PRKAG2: variants seen among roughly 807,000 people sequenced by gnomAD.
PRKAG2 encodes protein kinase AMP-activated non-catalytic subunit gamma 2.
Under a neutral mutation model 69.6 loss-of-function variants are expected in PRKAG2, and 26 were observed. That is an observed-to-expected ratio of 0.37 (90% CI 0.27 to 0.52). The LOEUF is 0.52. Among genes scored for constraint, PRKAG2 ranks in the 20% least tolerant of loss-of-function variants. PRKAG2 has a pLI of 0.90. For synonymous variants in PRKAG2, 293 were observed against 285.0 expected (o/e 1.03, Z -0.28); for missense variants, 557 against 740.0 (o/e 0.75, Z 2.87).
chr7:151,629,941 G>A (rs1364371246), intron 5 of PRKAG2, among the ~76,000 whole-genome samples: 1 of 152,052 alleles, frequency 6.6e-6, no homozygotes, highest in Non-Finnish European at 1.5e-5. Context: ...CAATTTTCCT[G>A]TATTTTGGAT....
chr7:151,713,486 C>T (rs989190560), intron 3 of PRKAG2, among the ~76,000 whole-genome samples: 6 of 152,022 alleles, frequency 3.9e-5, no homozygotes, highest in Admixed American at 2.6e-4. Flanking sequence ...AATTTAAACA[C>T]ATATGTAAAA....
At position 151,777,243 on chromosome 7, in the gene PRKAG2, C is replaced by G. The variant is rs1439596117; in HGVS notation, c.466+3909G>C. ...CACCCCATGTGGACACCAGCAGAGT[C>G]ATCCCCAGGCCTGTGCCTGCGTTCC... On this transcript the variant is annotated intron_variant, in intron 3 of 15. Coordinates refer to ENST00000287878, the MANE Select transcript of PRKAG2 (RefSeq NM_016203.4). This position sits in a 1 kb window ranked among gnomAD's most constrained non-coding sequence, Gnocchi z 4.3. 2.0e-5 allele frequency among the ~76,000 whole-genome samples: 3 copies of G among 152,248 alleles called. No individual in the cohort carries two copies. The highest frequency in any genetic ancestry group is 4.4e-5 in the Non-Finnish European group (3 of 68,044).
chr7:151,675,300 G>T (rs767015340), intron 4 of PRKAG2, 120 bp downstream of exon 4: 1 of 945,034 alleles, frequency 1.1e-6, no homozygotes, highest in East Asian at 2.6e-5. Flanking sequence ...ATATCCTGAA[G>T]ATGTCGGGAG....
intron 1 of PRKAG2, among the ~76,000 whole-genome samples, chr7:151,867,966 AG>A (rs1228832124): frequency 1.3e-5 from 2 of 152,178 alleles, no homozygotes; most frequent in Admixed American, 6.5e-5. Flanking sequence ...GCAGAGCTGC[AG>A]GGCACCCCCC....
chr7:151,591,385 T>C (rs1364694907), intron 6 of PRKAG2, among the ~76,000 whole-genome samples: 1 of 152,214 alleles, frequency 6.6e-6, no homozygotes, highest in Non-Finnish European at 1.5e-5. Context: ...CACTGGCCCA[T>C]GCGCTGATAG....
chr7:151,609,950 C>A (rs561214167), intron 5 of PRKAG2, among the ~76,000 whole-genome samples: 1 of 152,216 alleles, frequency 6.6e-6, no homozygotes, highest in African/African-American at 2.4e-5. Context: ...ATGAGCAGCA[C>A]GAACTTGCTG....
At chr7:151,714,914 C>T (rs558145901) in intron 3 of PRKAG2, among the ~76,000 whole-genome samples, 10 of 151,620 alleles carry the variant, frequency 6.6e-5, no homozygotes, top group Non-Finnish European at 1.3e-4. Flanking sequence ...CGTGCCACTG[C>T]ACTCCAGCCT....
chr7:151,859,098 G>A (rs565718431), intron 1 of PRKAG2, among the ~76,000 whole-genome samples: 1 of 152,312 alleles, frequency 6.6e-6, no homozygotes, highest in South Asian at 2.1e-4. Flanking sequence ...GGTGTCTCTG[G>A]AGTCTGTCAC....
At position 151,568,835 on chromosome 7, in the gene PRKAG2, C is replaced by T. The variant is rs760826751; in HGVS notation, c.1114G>A (p.Asp372Asn). Residue 372 changes from aspartate (D) to asparagine (N), a missense_variant, in exon 11 of 16, where the codon GAT becomes AAT. By Grantham distance (23) the Asp-to-Asn change is conservative. This residue lies in a region of PRKAG2 where 205 missense variants were observed against 383.4 expected (regional missense o/e 0.53). Coordinates refer to ENST00000287878, the MANE Select transcript of PRKAG2 (RefSeq NM_016203.4). ...VNISPDASLFDAVYSLIKNKI... is the reference protein window; with the variant it reads ...VNISPDASLFNAVYSLIKNKI... Reference sequence around the variant, plus strand: ...TTTTTGATCAAGGAGTATACAGCATCGAAGAGGCTGTGGGAGAAGTCATTA... The same window carrying T: ...TTTTTGATCAAGGAGTATACAGCATTGAAGAGGCTGTGGGAGAAGTCATTA... 5.0e-5 allele frequency: 80 copies of T among 1,613,654 alleles called. No individual in the cohort carries two copies. The highest frequency in any genetic ancestry group is 6.1e-5 in the Non-Finnish European group (72 of 1,179,854).
At chr7:151,595,296 T>C (rs377730477) in intron 6 of PRKAG2, 49 bp downstream of exon 6, 5 of 1,271,304 alleles carry the variant, frequency 3.9e-6, no homozygotes, top group Non-Finnish European at 5.5e-6. Context: ...TATAAAGTAG[T>C]AGCCATCCAA....
intron 5 of PRKAG2, among the ~76,000 whole-genome samples, chr7:151,625,227 C>A (rs993832798): frequency 6.6e-6 from 1 of 152,158 alleles, no homozygotes; most frequent in Admixed American, 6.5e-5. Context: ...GACATCTAAC[C>A]TGAGACTTGG....
rs116763957 is a variant in PRKAG2, at chr7:151,654,785, T to A, written c.684+20635A>T. Among the ~76,000 whole-genome samples the A allele has an allele frequency of 7.6e-4, 115 of 152,302 alleles. 1 individual carries two copies. The highest frequency in any genetic ancestry group is 2.7e-3 in the African/African-American group (111 of 41,572). On this transcript the variant is annotated intron_variant, in intron 4 of 15. Coordinates refer to ENST00000287878, the MANE Select transcript of PRKAG2 (RefSeq NM_016203.4). ...TTGGCTTGCTGCAACCTCCATCTCC[T>A]GGATTCGAGCTGTTCTCATGCCCCA...
At chr7:151,786,583 C>A (rs767096307) in intron 1 of PRKAG2, 42 bp from the exon 2 acceptor site, 5 of 1,536,772 alleles carry the variant, frequency 3.3e-6, no homozygotes, top group Non-Finnish European at 4.5e-6. Context: ...CAGTGGCCCT[C>A]GGGCCCAGGG....
intron 1 of PRKAG2, among the ~76,000 whole-genome samples, chr7:151,847,674 G>A (rs1020390798): frequency 3.3e-5 from 5 of 152,214 alleles, no homozygotes; most frequent in Admixed American, 6.5e-5. Flanking sequence ...GCAAAGCACC[G>A]ACAAGCTCCG....
chr7:151,778,826 C>T (rs772388924), intron 3 of PRKAG2, among the ~76,000 whole-genome samples: 1 of 152,336 alleles, frequency 6.6e-6, no homozygotes. Flanking sequence ...TCCTTCCACC[C>T]ATCCACTCCT....
At chr7:151,775,251 T>C (rs1355349306) in intron 3 of PRKAG2, among the ~76,000 whole-genome samples, 2 of 150,230 alleles carry the variant, frequency 1.3e-5, no homozygotes, top group Non-Finnish European at 2.9e-5. Flanking sequence ...CTGTTTCTCC[T>C]GCGTGATCCT....
At chr7:151,695,688 A>G (rs1166296695) in intron 3 of PRKAG2, among the ~76,000 whole-genome samples, 1 of 152,206 alleles carries the variant, frequency 6.6e-6, no homozygotes, top group Non-Finnish European at 1.5e-5. Context: ...CAAATCAAAT[A>G]GGAACTCTTG....
chr7:151,609,545 T>C (rs79079718), intron 5 of PRKAG2, among the ~76,000 whole-genome samples: 3,383 of 152,238 alleles, frequency 0.022, 129 homozygotes, highest in East Asian at 0.18. Flanking sequence ...AAATAACAAC[T>C]GCTAAAATAA....
chr7:151,648,524 G>A (rs1827936180), intron 4 of PRKAG2, among the ~76,000 whole-genome samples: 1 of 152,110 alleles, frequency 6.6e-6, no homozygotes, highest in Non-Finnish European at 1.5e-5. Context: ...CTCAAAGGGT[G>A]AAAGGGAAGA....
Sources: allele counts gnomAD v4.1 joint callset (sites outside exome capture counted in the v4.1 genomes callset), GRCh38; gene constraint gnomAD v4.1.1; regional missense constraint gnomAD v4.1.1; non-coding constraint Gnocchi (gnomAD v3.1); transcripts MANE v1.5; gene names NCBI Gene and HGNC (gene_info 2026-07-23, HGNC 2026-07-21).